The following ATM variants were observed in gnomAD, a reference collection of about 807,000 sequenced individuals.
ATM encodes ATM serine/threonine kinase.
A neutral mutation model predicts 387.0 loss-of-function variants in ATM; 308 were observed. The observed-to-expected ratio is 0.80, with a 90% CI of 0.73 to 0.87. The LOEUF (loss-of-function observed/expected upper bound fraction) is 0.87. Among genes scored for constraint, ATM ranks in the 40% least tolerant of loss-of-function variants. The pLI is 0.00. For synonymous variants in ATM, 1,156 were observed against 1,187.3 expected (o/e 0.97, Z 0.54); for missense variants, 3,312 against 3,560.9 (o/e 0.93, Z 1.78).
At chr11:108,258,631 G>A (rs552398912) in intron 15 of ATM, among the ~76,000 whole-genome samples, 100 of 152,172 alleles carry the variant, frequency 6.6e-4, no homozygotes, top group Middle Eastern at 3.4e-3. Context: ...CCTAGTATTA[G>A]GTACATGGCC....
At chr11:108,345,328 T>G (rs919608938) in intron 57 of ATM, among the ~76,000 whole-genome samples, 2 of 152,218 alleles carry the variant, frequency 1.3e-5, no homozygotes, top group Non-Finnish European at 2.9e-5. Flanking sequence ...TGTTGGAGGA[T>G]AGAGATCTGA....
chr11:108,289,984 G>C (rs902891597), intron 29 of ATM, 183 bp downstream of exon 29: 15 of 561,812 alleles, frequency 2.7e-5, no homozygotes, highest in Middle Eastern at 4.8e-4. Context: ...CACCCTGCCG[G>C]GTAGCTGGGG....
rs138963508 is a variant in ATM at position 108,334,735 on chromosome 11, C to A, written c.8011-234C>A. 5.7e-3 allele frequency among the ~76,000 whole-genome samples: 865 copies of A among 152,194 alleles called. 1 individual carries two copies. The highest frequency in any genetic ancestry group is 8.8e-3 in the Non-Finnish European group (600 of 68,002). On this transcript the variant is annotated intron_variant, in intron 54 of 62. Transcript: ENST00000675843. ...TTTTCCAAAATTTACTTTATGTTTT[C>A]GTGAGGAGTTATTTCTCAGATGACT...
rs767670019 is a variant in ATM at position 108,332,853 on chromosome 11, A to G, written c.7880A>G (p.Tyr2627Cys). ...VRSVEALCDA[Y>C]IILANLDATQ... ...AGTGTTGAGGCACTTTGTGATGCTT[A>G]TATTATATTAGCAAACTTAGATGCC... Residue 2627 changes from tyrosine to cysteine, a missense_variant, in exon 53 of 63, where the codon TAT (tyrosine) becomes TGT (cysteine). Physicochemically the swap from Tyr to Cys is radical, Grantham distance 194. Transcript: ENST00000675843. The G allele has an allele frequency of 1.9e-6, 3 of 1,613,144 alleles. No individual in the cohort carries two copies. The highest frequency in any genetic ancestry group is 1.7e-6 in the Non-Finnish European group (2 of 1,179,656).
intron 3 of ATM, 101 bp downstream of exon 3, chr11:108,227,989 CT>C: frequency 1.0e-6 from 1 of 988,464 alleles, no homozygotes; most frequent in Non-Finnish European, 1.5e-6. Flanking sequence ...TTTATCTTTG[CT>C]TCCTATATAT....
Position 108,321,548 on chromosome 11 carries a change from T to C in ATM, c.6572+128T>C. On this transcript the variant is annotated intron_variant, in intron 45 of 62. Transcript: ENST00000675843. Reference sequence around the variant, plus strand: ...CTGTAATCCTAGCACTTTAGAAGGCTGAAGTGGGTGGATCACTTGAGGTCA... The same window carrying C: ...CTGTAATCCTAGCACTTTAGAAGGCCGAAGTGGGTGGATCACTTGAGGTCA... 14 of 1,359,258 alleles carry C rather than the reference T, an allele frequency of 1.0e-5. No homozygotes were observed. The South Asian group carries it at 1.6e-4, about 16-fold the overall frequency. The allele number at this position is 1,359,258 out of a possible 1,614,324, so 84.2% of individuals were successfully genotyped here.
chr11:108,318,886 A>T (rs148069890), intron 43 of ATM, among the ~76,000 whole-genome samples: 3 of 152,216 alleles, frequency 2.0e-5, no homozygotes, highest in East Asian at 3.9e-4. Context: ...TAGAAAAAAA[A>T]AATTATTGGC....
chr11:108,278,714 C>T (rs770033670), intron 22 of ATM, among the ~76,000 whole-genome samples: 3 of 151,938 alleles, frequency 2.0e-5, no homozygotes, highest in Non-Finnish European at 4.4e-5. Context: ...TTTTAATAAC[C>T]AGCCCTTGTG....
intron 51 of ATM, 102 bp downstream of exon 51, chr11:108,331,659 C>A: frequency 8.5e-6 from 12 of 1,409,158 alleles, no homozygotes; most frequent in Non-Finnish European, 1.1e-5. Context: ...AATGGAAATA[C>A]AAAATTTTGT....
In ATM at chr11:108,247,900, T is replaced by C. The variant is rs2079936487; in HGVS notation, c.1065+773T>C. Among the ~76,000 whole-genome samples, 8 of 152,180 alleles carry C rather than the reference T, an allele frequency of 5.3e-5. No homozygotes were observed. The South Asian group carries it at 1.7e-3, about 32-fold the overall frequency. On this transcript the variant is annotated intron_variant, in intron 8 of 62. Transcript: ENST00000675843. ...TGAGCCACCGTGCCCAGCCCAGAACTTTTTTATCATCCCAAAAGAAACCTC... is the reference window on the plus strand; with the variant it reads ...TGAGCCACCGTGCCCAGCCCAGAACCTTTTTATCATCCCAAAAGAAACCTC...
chr11:108,234,970 T>A (rs1465858209), intron 4 of ATM, among the ~76,000 whole-genome samples: 2 of 152,184 alleles, frequency 1.3e-5, no homozygotes, highest in Non-Finnish European at 2.9e-5. Flanking sequence ...TCATTCTTCA[T>A]AAAGAGTGCC....
rs1800054 is a variant in ATM, at chr11:108,227,849, C to G, written c.146C>G (p.Ser49Cys). ...AAACATCTAGATCGGCATTCAGATT[C>G]CAAACAAGGAAAATATTTGAATTGG... ...TIKHLDRHSD[S>C]KQGKYLNWDA... The change falls in exon 3 of 63, where the codon TCC becomes TGC. Residue 49 changes from serine (S) to cysteine (C), a missense_variant. Coordinates refer to ENST00000675843, the MANE Select transcript of ATM (RefSeq NM_000051.4). The G allele has an allele frequency of 0.011, 17,780 of 1,613,258 alleles. 132 individuals are homozygous for G. The highest frequency in any genetic ancestry group is 0.014 in the Non-Finnish European group (16,275 of 1,179,704).
chr11:108,304,791 C>T lies in ATM; in HGVS notation c.5613C>T (p.Thr1871=), dbSNP rs2083601650. The stretch of plus-strand genomic sequence containing the variant: ...CTACACATGTTCAGGGATTTTTCAC[C>T]AGCTGTCTTCGACACTTCTCGCAAA... The part of the protein sequence containing the change: ...LLSTHVQGFF[T]SCLRHFSQTS... The change falls in exon 37 of 63, where the codon ACC becomes ACT. Residue 1871 remains threonine (T), a synonymous_variant. Coordinates refer to ENST00000675843, the MANE Select transcript of ATM (RefSeq NM_000051.4). 1 of 1,613,676 alleles carries T rather than the reference C, an allele frequency of 6.2e-7. No individual in the cohort carries two copies. Among genetic ancestry groups the T allele is most frequent in the Admixed American group, 1.7e-5 (1 of 59,966 alleles).
In ATM at chr11:108,367,626, T is replaced by C. The variant is rs2091402770; in HGVS notation, c.*2118T>C. 4.8e-6 allele frequency: 1 copy of C among 208,854 alleles called. No homozygotes were observed. The highest frequency in any genetic ancestry group is 5.9e-5 in the Admixed American group (1 of 16,948). The allele number at this position is 208,854 out of a possible 1,614,324, so 12.9% of individuals were successfully genotyped here. On this transcript the variant is annotated 3_prime_UTR_variant, in exon 63 of 63. Coordinates refer to ENST00000675843, the MANE Select transcript of ATM (RefSeq NM_000051.4). ...GAGCTTTCTCCTCGTATTTGGACCT[T>C]GAAGGTTATATAAATTTTTTTCTTA...
chr11:108,238,565 T>C (rs1217056594), intron 5 of ATM, among the ~76,000 whole-genome samples: 2 of 152,206 alleles, frequency 1.3e-5, no homozygotes, highest in African/African-American at 4.8e-5. Flanking sequence ...GATTTTCAAA[T>C]TGTTCAATGC....
intron 4 of ATM, among the ~76,000 whole-genome samples, chr11:108,234,834 C>T (rs941407837): frequency 8.8e-6 from 1 of 113,384 alleles, no homozygotes; most frequent in African/African-American, 3.0e-5. Context: ...GAGCGAGACC[C>T]TGTCTTAAAA....
At position 108,354,844 on chromosome 11, in the gene ATM, C is replaced by G. The variant is rs775823407; in HGVS notation, c.8820C>G (p.Asn2940Lys). The G allele has an allele frequency of 6.2e-7, 1 of 1,613,856 alleles. No homozygotes were observed. Among genetic ancestry groups the G allele is most frequent in the Non-Finnish European group, 8.5e-7 (1 of 1,179,760 alleles). ...AGAAAACCATGGAAGTGATGAGAAA[C>G]TCTCAGGAAACTCTGTTAACCATTG... ...CCEKTMEVMR[N>K]SQETLLTIVE... The change falls in exon 61 of 63, where the codon AAC becomes AAG. Residue 2940 changes from asparagine (N) to lysine (K), a missense_variant. Transcript: ENST00000675843.
chr11:108,272,847 CA>C lies in ATM; in HGVS notation c.3281del (p.Asn1094IlefsTer15), dbSNP rs776516754. 3 of 1,613,972 alleles carry C rather than the reference CA, an allele frequency of 1.9e-6. No individual in the cohort carries two copies. The highest frequency in any genetic ancestry group is 1.3e-5 in the African/African-American group (1 of 75,028). ...QVRMLAAESINRLFQDTKGDS... is the reference protein window; with the variant it reads ...QVRMLAAESIXRLFQDTKGDS... ...TTCGCATGTTGGCTGCAGAGTCAAT[CA>C]ATAGGTAATGGGTCAAATATTCATG... On this transcript the variant is annotated frameshift_variant, in exon 22 of 63. Transcript: ENST00000675843. LOFTEE classifies it high-confidence loss of function.
At chr11:108,282,583 A>T in intron 24 of ATM, 127 bp from the exon 25 acceptor site, 1 of 840,182 alleles carries the variant, frequency 1.2e-6, no homozygotes, top group Non-Finnish European at 1.9e-6. Flanking sequence ...CCCATCTCAT[A>T]GATGAGGAAA....
Sources: gnomAD v4.1 joint callset for allele counts (sites outside exome capture counted in the v4.1 genomes callset) on GRCh38, gnomAD v4.1.1 for gene constraint, MANE v1.5 for transcripts, NCBI Gene and HGNC (gene_info 2026-07-23, HGNC 2026-07-21) for gene names.